The following PATJ variants were observed in gnomAD, a reference collection of about 807,000 sequenced individuals.
The protein encoded by PATJ is PATJ crumbs cell polarity complex component, also known as inaD-like protein.
A neutral mutation model predicts 224.9 loss-of-function variants in PATJ; 190 were observed. That is an observed-to-expected ratio of 0.84 (90% CI 0.75 to 0.95). The LOEUF (loss-of-function observed/expected upper bound fraction) is 0.95. Among genes scored for constraint, PATJ ranks in the 40% least tolerant of loss-of-function variants. PATJ has a pLI of 0.00. For missense variants in PATJ, 2,121 were observed against 2,270.3 expected, an observed-to-expected ratio of 0.93 and a Z score of 1.34; for synonymous variants, 769 against 820.3, an observed-to-expected ratio of 0.94 and a Z score of 1.07.
chr1:62,125,042 A>G (rs1665527135), intron 39 of PATJ, among the ~76,000 whole-genome samples: 1 of 152,052 alleles, frequency 6.6e-6, no homozygotes, highest in African/African-American at 2.4e-5. Flanking sequence ...CCTGGGCAAC[A>G]TGGGGAAACT....
chr1:62,019,242 CA>C (rs57010731), intron 29 of PATJ, among the ~76,000 whole-genome samples: 4,355 of 85,794 alleles, frequency 0.051, 139 homozygotes, highest in African/African-American at 0.13. Context: ...GAGATTGTCT[CA>C]AAAAAAAAAA....
At chr1:62,061,949 G>A (rs543720683) in intron 31 of PATJ, among the ~76,000 whole-genome samples, 7 of 152,242 alleles carry the variant, frequency 4.6e-5, no homozygotes, top group South Asian at 4.2e-4. Context: ...GTGAGCCACC[G>A]CACCAAGACT....
intron 31 of PATJ, among the ~76,000 whole-genome samples, chr1:62,058,770 G>A (rs956974577): frequency 9.2e-5 from 14 of 152,270 alleles, no homozygotes; most frequent in African/African-American, 2.6e-4. Flanking sequence ...TCTGTGCAGC[G>A]TTTCGAGCTC....
chr1:61,990,469 T>G, intron 28 of PATJ, 105 bp downstream of exon 28: 1 of 664,794 alleles, frequency 1.5e-6, no homozygotes, highest in Non-Finnish European at 2.3e-6. Flanking sequence ...CAAATTATAT[T>G]TCCTTCAACT....
At chr1:61,996,336 C>T (rs917159375) in intron 28 of PATJ, among the ~76,000 whole-genome samples, 2 of 152,154 alleles carry the variant, frequency 1.3e-5, no homozygotes, top group Non-Finnish European at 2.9e-5. Flanking sequence ...ACCAGGAGCC[C>T]TTACCAGCAC....
At chr1:62,061,318 A>T (rs1655393156) in intron 31 of PATJ, among the ~76,000 whole-genome samples, 1 of 151,760 alleles carries the variant, frequency 6.6e-6, no homozygotes, top group African/African-American at 2.4e-5. Context: ...AGTAGCTGGG[A>T]TTACAGGTGC....
chr1:62,111,170 C>T (rs955108776), intron 34 of PATJ, among the ~76,000 whole-genome samples: 1 of 152,120 alleles, frequency 6.6e-6, no homozygotes, highest in Non-Finnish European at 1.5e-5. Context: ...TAGGGCCTTT[C>T]GAACAGTATT....
At chr1:62,097,672 G>A (rs1570580028) in intron 33 of PATJ, among the ~76,000 whole-genome samples, 1 of 152,172 alleles carries the variant, frequency 6.6e-6, no homozygotes, top group South Asian at 2.1e-4. Context: ...CAGAAGAACT[G>A]CACAGCTGAG....
At position 61,952,262 on chromosome 1, in the gene PATJ, G is replaced by GAA; in HGVS notation, c.3670+24434_3670+24435insAA. 5.1e-6 allele frequency: 3 copies of GAA among 585,388 alleles called. No homozygotes were observed. The South Asian group carries it at 7.0e-5, about 14-fold the overall frequency. The allele number at this position is 585,388 out of a possible 1,614,324, so 36.3% of individuals were successfully genotyped here. A position where few individuals can be genotyped will look rare whatever the true frequency, so the allele number is the denominator to read the frequency against. On this transcript the variant is annotated intron_variant, in intron 27 of 43. Coordinates refer to ENST00000642238, the MANE Select transcript of PATJ (RefSeq NM_001350145.3). ...TAAAGAGAACAAAATCTGAGAGAGA[G>GAA]AGAGAGAGAGAGAGAGAAAAATAGG... is the stretch of plus-strand genomic sequence containing the variant.
intron 27 of PATJ, among the ~76,000 whole-genome samples, chr1:61,941,921 G>A (rs1482224571): frequency 2.0e-5 from 3 of 152,184 alleles, no homozygotes; most frequent in African/African-American, 7.2e-5. Context: ...AATAGTAACA[G>A]TAAATCCAAA....
At chr1:62,036,997 G>T (rs1432791853) in intron 29 of PATJ, among the ~76,000 whole-genome samples, 3 of 152,080 alleles carry the variant, frequency 2.0e-5, no homozygotes, top group Non-Finnish European at 4.4e-5. Context: ...AGGGAGGAAT[G>T]GTCTCCTAAT....
At chr1:61,838,104 A>C (rs142064824) in intron 17 of PATJ, among the ~76,000 whole-genome samples, 1 of 152,240 alleles carries the variant, frequency 6.6e-6, no homozygotes, top group African/African-American at 2.4e-5. Context: ...TTAGGTTATA[A>C]GTTTCTTTAT....
chr1:62,100,475 G>C, intron 33 of PATJ: 1 of 706,342 alleles, frequency 1.4e-6, no homozygotes, highest in Non-Finnish European at 2.6e-6. Context: ...TCCCAAGATA[G>C]CAGCATTAAT....
chr1:62,101,093 G>T (rs1662101225), intron 33 of PATJ, among the ~76,000 whole-genome samples: 1 of 152,008 alleles, frequency 6.6e-6, no homozygotes, highest in African/African-American at 2.4e-5. Context: ...ACTTAATACT[G>T]CTTGTTTCTA....
At chr1:61,927,873 A>C in intron 27 of PATJ, 44 bp downstream of exon 27, 2 of 1,325,690 alleles carry the variant, frequency 1.5e-6, no homozygotes, top group Non-Finnish European at 2.1e-6. Context: ...GAACTTATTA[A>C]ATTATGTTTT....
intron 20 of PATJ, among the ~76,000 whole-genome samples, chr1:61,871,191 G>T (rs1291073250): frequency 7.0e-6 from 1 of 142,396 alleles, no homozygotes; most frequent in Non-Finnish European, 1.5e-5. Flanking sequence ...CCAGAAAAAA[G>T]AAATTCTTGT....
chr1:61,890,917 C>T (rs1181215627), intron 22 of PATJ, among the ~76,000 whole-genome samples: 1 of 151,928 alleles, frequency 6.6e-6, no homozygotes, highest in African/African-American at 2.4e-5. Context: ...CAATAGTAAA[C>T]GTTTAATAGA....
intron 26 of PATJ, among the ~76,000 whole-genome samples, chr1:61,917,762 A>G (rs1673651693): frequency 6.6e-6 from 1 of 152,142 alleles, no homozygotes; most frequent in African/African-American, 2.4e-5. Context: ...GTATAAAAAA[A>G]GAAATTATTG....
intron 27 of PATJ, among the ~76,000 whole-genome samples, chr1:61,974,934 TTTTTG>T (rs59299056): frequency 5.3e-5 from 8 of 151,986 alleles, no homozygotes; most frequent in East Asian, 1.9e-4. Context: ...GTTGGTTGTT[TTTTTG>T]TTTTGTTTTG....
Sources: allele counts gnomAD v4.1 joint callset (sites outside exome capture counted in the v4.1 genomes callset), GRCh38; gene constraint gnomAD v4.1.1; transcripts MANE v1.5; gene names NCBI Gene and HGNC (gene_info 2026-07-23, HGNC 2026-07-21).